DGKD: variants seen among roughly 807,000 people sequenced by gnomAD.
DGKD encodes DAG kinase delta.
A neutral mutation model predicts 154.4 loss-of-function variants in DGKD; 68 were observed. The observed-to-expected ratio is 0.44, with a 90% CI of 0.36 to 0.54. The LOEUF (loss-of-function observed/expected upper bound fraction) is 0.54. DGKD is among the 20% of genes least tolerant of loss of function. The pLI is 0.00. For missense variants in DGKD, 1,343 were observed against 1,593.6 expected (o/e 0.84, Z 2.68); for synonymous variants, 693 against 638.0 (o/e 1.09, Z -1.30).
rs1412660591 is a variant in DGKD at position 233,463,634 on chromosome 2, CTCCTCACTCCACGCATG to C, written c.3187-521_3187-505del. 3.4e-5 allele frequency among the ~76,000 whole-genome samples: 5 copies of C among 148,812 alleles called. No homozygotes were observed. The South Asian group carries it at 6.5e-4, about 19-fold the overall frequency. ...CCACGCATCTCCTCACTCCACGCAT[CTCCTCACTCCACGCATG>C]TCCTCACTGCACGCATCTCCTCACT... On this transcript the variant is annotated intron_variant, in intron 26 of 29. Transcript: ENST00000264057.
intron 3 of DGKD, among the ~76,000 whole-genome samples, chr2:233,391,031 C>T (rs2125446262): frequency 6.6e-6 from 1 of 152,366 alleles, no homozygotes; most frequent in South Asian, 2.1e-4. Context: ...CCACGCTTTG[C>T]TGGTTCACAT....
At chr2:233,469,302 G>A in intron 29 of DGKD, 69 bp from the exon 30 acceptor site, 1 of 1,378,278 alleles carries the variant, frequency 7.3e-7, no homozygotes, top group Non-Finnish European at 1.0e-6. Flanking sequence ...CGTTGTGGCA[G>A]GCCTGCTGTG....
At chr2:233,400,454 G>A (rs1250160290) in intron 3 of DGKD, among the ~76,000 whole-genome samples, 3 of 152,322 alleles carry the variant, frequency 2.0e-5, no homozygotes, top group African/African-American at 2.4e-5. Flanking sequence ...TGTCTGAGAC[G>A]CCTCATGCTG....
At chr2:233,455,142 G>C (rs957714008) in intron 19 of DGKD, among the ~76,000 whole-genome samples, 1 of 152,230 alleles carries the variant, frequency 6.6e-6, no homozygotes, top group African/African-American at 2.4e-5. Context: ...CTTAATGAGA[G>C]CCCCAAGTCC....
At chr2:233,434,714 T>A in intron 4 of DGKD, 55 bp from the exon 5 acceptor site, 2 of 1,580,542 alleles carry the variant, frequency 1.3e-6, no homozygotes, top group Non-Finnish European at 8.6e-7. Context: ...AGTTACTGCA[T>A]TTAACAATTT....
At chr2:233,450,878 C>G (rs1238974073) in intron 16 of DGKD, 44 bp from the exon 17 acceptor site, 1 of 1,571,180 alleles carries the variant, frequency 6.4e-7, no homozygotes. Context: ...ATTTCACAGT[C>G]TCTATTCCAC....
chr2:233,414,243 G>C lies in DGKD; in HGVS notation c.349-20137G>C, dbSNP rs910065989. Among the ~76,000 whole-genome samples the C allele has an allele frequency of 3.3e-5, 5 of 152,226 alleles. No individual in the cohort carries two copies. In the East Asian group the frequency reaches 5.8e-4, roughly 18 times the overall value. The stretch of plus-strand genomic sequence containing the variant: ...TGCTGTGGCTACAGACTGCATTCAG[G>C]TCCCCAGCATCTGGAAGGAGTCTGT... On this transcript the variant is annotated intron_variant, in intron 3 of 29. Coordinates refer to ENST00000264057, the MANE Select transcript of DGKD (RefSeq NM_152879.3).
intron 12 of DGKD, 139 bp downstream of exon 12, chr2:233,446,935 A>C (rs1449375409): frequency 5.1e-6 from 5 of 975,752 alleles, no homozygotes; most frequent in Non-Finnish European, 7.5e-6. Flanking sequence ...GCGGAGGCGC[A>C]GGGTGAACCC....
chr2:233,385,991 G>T (rs192681916), intron 1 of DGKD: 1 of 446,364 alleles, frequency 2.2e-6, no homozygotes, highest in Non-Finnish European at 4.7e-6. Context: ...GATTGTGCGT[G>T]TGCGTGTGTG....
chr2:233,415,246 C>A (rs1333573025), intron 3 of DGKD, among the ~76,000 whole-genome samples: 1 of 152,206 alleles, frequency 6.6e-6, no homozygotes, highest in Non-Finnish European at 1.5e-5. Flanking sequence ...ACATGGGACT[C>A]CTTAGCCCAC....
At chr2:233,443,380 A>G (rs1044288235) in intron 10 of DGKD, among the ~76,000 whole-genome samples, 2 of 151,042 alleles carry the variant, frequency 1.3e-5, no homozygotes, top group South Asian at 2.1e-4. Flanking sequence ...GTGTGTGAGG[A>G]TTATTGTTAC....
Position 233,461,278 on chromosome 2 carries a change from CT to C in DGKD, c.2981+934del, listed in dbSNP as rs1271220688. Among the ~76,000 whole-genome samples, 15 of 152,372 alleles carry C rather than the reference CT, an allele frequency of 9.8e-5. No homozygotes were observed. In the East Asian group the frequency reaches 2.9e-3, roughly 29 times the overall value. ...CCCTGGTGTCCCTTTCTTGTTTCCC[CT>C]GGGCTCCTTCTTCTCCTGGCTGTGG... On this transcript the variant is annotated intron_variant, in intron 24 of 29. Transcript: ENST00000264057.
In DGKD at chr2:233,462,547, C is replaced by T. The variant is rs998969762; in HGVS notation, c.3093+88C>T. 7 of 1,523,364 alleles carry T rather than the reference C, an allele frequency of 4.6e-6. No individual in the cohort carries two copies. In the South Asian group the frequency reaches 6.8e-5, roughly 15 times the overall value. 94.4% of individuals were successfully genotyped at this position (1,523,364 alleles called of 1,614,324 possible). On this transcript the variant is annotated intron_variant, in intron 25 of 29. Transcript: ENST00000264057. ...CGTGCGTGTTCATTCCCCCGCCTCC[C>T]CGGTGCATGTTCGGCCCTCCCAGTG...
chr2:233,370,227 T>G (rs1007680922), intron 1 of DGKD, among the ~76,000 whole-genome samples: 1 of 152,198 alleles, frequency 6.6e-6, no homozygotes, highest in African/African-American at 2.4e-5. Flanking sequence ...TATTTATTTA[T>G]TTTTTAGATA....
Position 233,445,785 on chromosome 2 carries a change from G to GC in DGKD, c.1334+25dup. 6.3e-7 allele frequency: 1 copy of GC among 1,585,032 alleles called. No individual in the cohort carries two copies. The highest frequency in any genetic ancestry group is 8.6e-7 in the Non-Finnish European group (1 of 1,163,224). ...CAGGTGAGTGGGGATGTGCTCCGGT[G>GC]CCGTATGAGGAGACTTTGAGAGACA... On this transcript the variant is annotated intron_variant, in intron 11 of 29. Transcript: ENST00000264057. The surrounding 1 kb of genome is among the most constrained non-coding windows in gnomAD (Gnocchi z 5.5).
intron 3 of DGKD, among the ~76,000 whole-genome samples, chr2:233,403,414 G>A (rs2061604896): frequency 6.6e-6 from 1 of 151,744 alleles, no homozygotes. Context: ...ACAAAAATTA[G>A]CTGGATGTGG....
In DGKD at chr2:233,449,375, A is replaced by G. The variant is rs961951648; in HGVS notation, c.1887A>G (p.Lys629=). The stretch of plus-strand genomic sequence containing the variant: ...GTCAGATCATAGAACACACAGAAAA[A>G]GGTAACTGGCCTTGTGATGAGGAGG... ...AIRQIIEHTE[K]AVDEQNAQTQ... Residue 629 remains lysine, a splice_region_variant and synonymous_variant, in exon 15 of 30, where the codon AAA becomes AAG. Coordinates refer to ENST00000264057, the MANE Select transcript of DGKD (RefSeq NM_152879.3). This position sits in a 1 kb window ranked among gnomAD's most constrained non-coding sequence, Gnocchi z 5.3. 4 of 1,592,780 alleles carry G rather than the reference A, an allele frequency of 2.5e-6. No individual in the cohort carries two copies. Among genetic ancestry groups the G allele is most frequent in the Non-Finnish European group, 3.4e-6 (4 of 1,162,758 alleles).
intron 27 of DGKD, among the ~76,000 whole-genome samples, chr2:233,465,820 T>C (rs2063805932): frequency 1.3e-5 from 2 of 152,264 alleles, no homozygotes; most frequent in South Asian, 4.1e-4. Context: ...CCTAACCATA[T>C]ATTGCTCACA....
chr2:233,400,442 CCTGT>C (rs1455531898), intron 3 of DGKD, among the ~76,000 whole-genome samples: 2 of 152,216 alleles, frequency 1.3e-5, no homozygotes, highest in Non-Finnish European at 2.9e-5. Flanking sequence ...TGCCCACTGC[CCTGT>C]CTGAGACGCC....
Sources: gnomAD v4.1 joint callset for allele counts (sites outside exome capture counted in the v4.1 genomes callset) on GRCh38, gnomAD v4.1.1 for gene constraint, Gnocchi (gnomAD v3.1) non-coding constraint, MANE v1.5 for transcripts, NCBI Gene and HGNC (gene_info 2026-07-23, HGNC 2026-07-21) for gene names.